Variants in KIF16B observed in about 807,000 individuals in gnomAD.
KIF16B encodes kinesin-like protein KIF16B.
KIF16B carries 98 observed loss-of-function variants against 156.3 expected under a neutral mutation model. The ratio of observed to expected loss-of-function variants is 0.63; its 90% CI spans 0.53 to 0.74. KIF16B has a LOEUF of 0.74. KIF16B is among the 30% of genes least tolerant of loss of function. The pLI, the probability that KIF16B is intolerant of heterozygous loss-of-function variation, is 0.00. For synonymous variants in KIF16B, 564 were observed against 583.7 expected (o/e 0.97, Z 0.49); for missense variants, 1,421 against 1,606.5 (o/e 0.88, Z 1.97).
chr20:16,483,740 G>A (rs1467439163), intron 12 of KIF16B, among the ~76,000 whole-genome samples: 3 of 152,066 alleles, frequency 2.0e-5, no homozygotes, highest in Non-Finnish European at 4.4e-5. Flanking sequence ...TTGATCCAGA[G>A]TAACACACAG....
intron 22 of KIF16B, chr20:16,367,662 C>A: frequency 6.2e-7 from 1 of 1,612,624 alleles, no homozygotes; most frequent in Non-Finnish European, 8.5e-7. Flanking sequence ...CCAAGGTAGT[C>A]TGGAATTTGG....
intron 12 of KIF16B, among the ~76,000 whole-genome samples, chr20:16,434,595 A>C (rs2066594252): frequency 6.6e-6 from 1 of 152,178 alleles, no homozygotes; most frequent in South Asian, 2.1e-4. Context: ...GCCCCACGTA[A>C]ATTAAGATCT....
In KIF16B at chr20:16,490,908, G is replaced by A. The variant is rs147215869; in HGVS notation, c.1302+3383C>T. On this transcript the variant is annotated intron_variant, in intron 12 of 25. Coordinates refer to ENST00000354981, the MANE Select transcript of KIF16B (RefSeq NM_024704.5). ...GAAGCAGAGTGCTAGGAGCTGGCTC[G>A]CGGAATGATAATGAGACAGTCCTTG... 3.8e-4 allele frequency among the ~76,000 whole-genome samples: 58 copies of A among 152,264 alleles called. 1 individual carries two copies. The highest frequency in any genetic ancestry group is 9.1e-4 in the Admixed American group (14 of 15,304).
chr20:16,403,963 C>G (rs1397620954), intron 17 of KIF16B, among the ~76,000 whole-genome samples: 1 of 152,200 alleles, frequency 6.6e-6, no homozygotes, highest in African/African-American at 2.4e-5. Context: ...TGCTTCAGCT[C>G]TGACTATGAA....
chr20:16,525,702 A>C (rs1401352732), intron 3 of KIF16B, among the ~76,000 whole-genome samples: 1 of 152,248 alleles, frequency 6.6e-6, no homozygotes, highest in Non-Finnish European at 1.5e-5. Context: ...TTGGGTTTGA[A>C]GTTTCCTCCT....
chr20:16,526,213 G>C lies in KIF16B; in HGVS notation c.118-8C>G. Reference sequence around the variant, plus strand: ...AGTGCCTCCTTCTGGTATCTAGAAAGAAATGATTAGAATAATAATGATAAT... The same window carrying C: ...AGTGCCTCCTTCTGGTATCTAGAAACAAATGATTAGAATAATAATGATAAT... On this transcript the variant is annotated splice_polypyrimidine_tract_variant and splice_region_variant and intron_variant, in intron 2 of 25. Transcript: ENST00000354981. 8.9e-6 allele frequency: 13 copies of C among 1,457,758 alleles called. No individual in the cohort carries two copies. The highest frequency in any genetic ancestry group is 1.2e-5 in the Non-Finnish European group (13 of 1,052,530). 90.3% of individuals were successfully genotyped at this position (1,457,758 alleles called of 1,614,324 possible).
intron 1 of KIF16B, among the ~76,000 whole-genome samples, chr20:16,556,606 C>G (rs562128520): frequency 6.6e-6 from 1 of 152,252 alleles, no homozygotes; most frequent in African/African-American, 2.4e-5. Flanking sequence ...ATGGCCCTAC[C>G]ACACTTAAAA....
At chr20:16,568,025 C>T (rs1478775429) in intron 1 of KIF16B, among the ~76,000 whole-genome samples, 3 of 152,258 alleles carry the variant, frequency 2.0e-5, no homozygotes, top group Non-Finnish European at 2.9e-5. Context: ...TAATACAAGA[C>T]ATGTCTGTCC....
intron 17 of KIF16B, among the ~76,000 whole-genome samples, chr20:16,393,511 G>A (rs1174144305): frequency 6.6e-6 from 1 of 152,342 alleles, no homozygotes; most frequent in Non-Finnish European, 1.5e-5. Context: ...TGCAGGTTAA[G>A]AGTCATGGTC....
rs936975032 is a variant in KIF16B at position 16,550,591 on chromosome 20, G to A, written c.48-22151C>T. ...TCAGTCACCCAGGCTGGAGTGCAGT[G>A]GTGCGATCAGAGCTCACTGTAGCCT... On this transcript the variant is annotated intron_variant, in intron 1 of 25. Transcript: ENST00000354981. Among the ~76,000 whole-genome samples, 8 of 144,980 alleles carry A rather than the reference G, an allele frequency of 5.5e-5. 1 individual carries two copies. The highest frequency in any genetic ancestry group is 1.0e-4 in the African/African-American group (4 of 38,690).
chr20:16,306,167 C>A (rs1444902184), intron 25 of KIF16B, among the ~76,000 whole-genome samples: 1 of 152,186 alleles, frequency 6.6e-6, no homozygotes, highest in Non-Finnish European at 1.5e-5. Flanking sequence ...TCACATGGTT[C>A]TTCCTTGTTG....
At chr20:16,311,344 C>T (rs916872802) in intron 25 of KIF16B, among the ~76,000 whole-genome samples, 24 of 152,074 alleles carry the variant, frequency 1.6e-4, no homozygotes, top group African/African-American at 5.8e-4. Flanking sequence ...TAAAAATTAG[C>T]TGGGCATGGT....
rs111446635 is a variant in KIF16B, at chr20:16,533,745, A to G, written c.48-5305T>C. Among the ~76,000 whole-genome samples, 308 of 152,218 alleles carry G rather than the reference A, an allele frequency of 2.0e-3. 6 individuals are homozygous for G. The highest frequency in any genetic ancestry group is 7.1e-3 in the African/African-American group (294 of 41,540). On this transcript the variant is annotated intron_variant, in intron 1 of 25. Transcript: ENST00000354981. ...TCCCTCATTCTCACCCTGCCAAACCATGAGTGAGTTTCCAGCCCTTTCTCT... is the reference window on the plus strand; with the variant it reads ...TCCCTCATTCTCACCCTGCCAAACCGTGAGTGAGTTTCCAGCCCTTTCTCT...
chr20:16,429,488 T>C (rs547784182), intron 13 of KIF16B, among the ~76,000 whole-genome samples: 2 of 152,232 alleles, frequency 1.3e-5, no homozygotes, highest in African/African-American at 2.4e-5. Context: ...AGCCCAATAA[T>C]GCAGGTGAGA....
intron 23 of KIF16B, among the ~76,000 whole-genome samples, chr20:16,345,063 C>T (rs530818774): frequency 2.0e-5 from 3 of 152,252 alleles, no homozygotes; most frequent in African/African-American, 7.2e-5. Flanking sequence ...TTTGTTGTTC[C>T]CATTGCCCAG....
chr20:16,555,281 T>C (rs1185537672), intron 1 of KIF16B, among the ~76,000 whole-genome samples: 1 of 152,216 alleles, frequency 6.6e-6, no homozygotes, highest in Non-Finnish European at 1.5e-5. Context: ...AAGGAACATA[T>C]GATCCTCCTC....
At chr20:16,559,161 T>C (rs1053864444) in intron 1 of KIF16B, among the ~76,000 whole-genome samples, 2 of 152,016 alleles carry the variant, frequency 1.3e-5, no homozygotes, top group African/African-American at 4.8e-5. Flanking sequence ...CTGAGACCTG[T>C]CTTCCTCCAA....
intron 12 of KIF16B, among the ~76,000 whole-genome samples, chr20:16,474,086 C>A (rs892424820): frequency 2.0e-5 from 3 of 152,166 alleles, no homozygotes; most frequent in Admixed American, 1.3e-4. Context: ...TGAACTCAGG[C>A]CATCAGAAAG....
intron 15 of KIF16B, among the ~76,000 whole-genome samples, chr20:16,422,739 TGAAA>T (rs1280629959): frequency 3.9e-5 from 6 of 152,112 alleles, no homozygotes; most frequent in Non-Finnish European, 7.4e-5. Flanking sequence ...AAAGTTTTAC[TGAAA>T]GAAATAGATG....
Sources: gnomAD v4.1 joint callset for allele counts (sites outside exome capture counted in the v4.1 genomes callset) on GRCh38, gnomAD v4.1.1 for gene constraint, MANE v1.5 for transcripts, NCBI Gene and HGNC (gene_info 2026-07-23, HGNC 2026-07-21) for gene names.